Variants in EYS observed in about 807,000 individuals in gnomAD.
EYS encodes the protein EGF-like photoreceptor maintenance factor.
A neutral mutation model predicts 282.1 loss-of-function variants in EYS; 250 were observed. The ratio of observed to expected loss-of-function variants is 0.89; its 90% CI spans 0.80 to 0.98. The LOEUF is 0.98. EYS is among the 50% of genes least tolerant of loss of function. The pLI, the probability that EYS is intolerant of heterozygous loss-of-function variation, is 0.00. For missense variants in EYS, 4,016 were observed against 3,709.0 expected, an observed-to-expected ratio of 1.08 and a Z score of -2.15; for synonymous variants, 1,355 against 1,282.9, an observed-to-expected ratio of 1.06 and a Z score of -1.20.
chr6:65,051,135 A>C (rs1773256807), intron 13 of EYS, among the ~76,000 whole-genome samples: 1 of 151,618 alleles, frequency 6.6e-6, no homozygotes, highest in Non-Finnish European at 1.5e-5. Context: ...CTTGAGAATC[A>C]AGCAATAATT....
intron 1 of EYS, among the ~76,000 whole-genome samples, chr6:65,657,179 G>A (rs1767857402): frequency 6.6e-6 from 1 of 151,632 alleles, no homozygotes; most frequent in African/African-American, 2.4e-5. Flanking sequence ...GTCACTCAAG[G>A]GTTCTAACAG....
intron 12 of EYS, among the ~76,000 whole-genome samples, chr6:65,200,558 G>C (rs1765875703): frequency 1.3e-5 from 2 of 151,580 alleles, no homozygotes; most frequent in South Asian, 4.1e-4. Flanking sequence ...GAAAAGAAGA[G>C]ATGCTAAACT....
chr6:65,292,702 G>C (rs1768560194), intron 12 of EYS, among the ~76,000 whole-genome samples: 1 of 151,722 alleles, frequency 6.6e-6, no homozygotes, highest in Non-Finnish European at 1.5e-5. Context: ...GTGGGAGCTA[G>C]GTTCCAGCTG....
chr6:65,328,671 A>G (rs61283975), intron 11 of EYS, among the ~76,000 whole-genome samples: 7,152 of 151,176 alleles, frequency 0.047, 223 homozygotes, highest in South Asian at 0.079. Flanking sequence ...ATATGATAGA[A>G]AGTAAAAAGC....
At chr6:65,094,557 A>G (rs1774682484) in intron 12 of EYS, among the ~76,000 whole-genome samples, 2 of 151,436 alleles carry the variant, frequency 1.3e-5, no homozygotes, top group Admixed American at 1.3e-4. Flanking sequence ...GAAACTGAGA[A>G]TAACAGAAGA....
intron 22 of EYS, among the ~76,000 whole-genome samples, chr6:64,726,048 T>C (rs1488476941): frequency 1.3e-5 from 2 of 152,158 alleles, no homozygotes; most frequent in Non-Finnish European, 2.9e-5. Context: ...TCTTCCCAAG[T>C]ATGTTGACTT....
At chr6:65,142,515 CACACAG>C (rs903155821) in intron 12 of EYS, among the ~76,000 whole-genome samples, 1 of 150,890 alleles carries the variant, frequency 6.6e-6, no homozygotes, top group African/African-American at 2.4e-5. Context: ...CACACACACA[CACACAG>C]AGTTCCAATA....
intron 22 of EYS, among the ~76,000 whole-genome samples, chr6:64,684,155 C>T (rs1770001882): frequency 1.3e-5 from 2 of 152,026 alleles, no homozygotes; most frequent in East Asian, 1.9e-4. Context: ...GTATTCTATA[C>T]AAGAGAATAA....
intron 22 of EYS, among the ~76,000 whole-genome samples, chr6:64,630,286 ACGGG>A (rs1467045972): frequency 7.2e-5 from 11 of 151,978 alleles, no homozygotes; most frequent in Admixed American, 2.6e-4. Flanking sequence ...TTTAATAGAG[ACGGG>A]ATTTCACCAT....
chr6:65,216,607 A>G (rs1320846770), intron 12 of EYS, among the ~76,000 whole-genome samples: 2 of 151,846 alleles, frequency 1.3e-5, no homozygotes, highest in Non-Finnish European at 2.9e-5. Context: ...AAAATAGTAC[A>G]GAATGTTTAA....
In EYS at chr6:65,383,019, T is replaced by A. The variant is rs892834499; in HGVS notation, c.1299+1367A>T. Among the ~76,000 whole-genome samples the A allele has an allele frequency of 2.0e-5, 3 of 152,044 alleles. No homozygotes were observed. The East Asian group carries it at 5.8e-4, about 29-fold the overall frequency. ...TGATACTCTAGCTTGAAAGTAACTCTTGAAATCAGGTTGGTAAAATCCTTC... is the reference window on the plus strand; with the variant it reads ...TGATACTCTAGCTTGAAAGTAACTCATGAAATCAGGTTGGTAAAATCCTTC... On this transcript the variant is annotated intron_variant, in intron 8 of 42. Coordinates refer to ENST00000503581, the MANE Select transcript of EYS (RefSeq NM_001142800.2).
At chr6:64,429,938 A>G (rs1774525580) in intron 28 of EYS, among the ~76,000 whole-genome samples, 1 of 152,202 alleles carries the variant, frequency 6.6e-6, no homozygotes, top group Admixed American at 6.5e-5. Context: ...CACTGCTGAC[A>G]GGGGTTAATT....
At chr6:64,314,445 A>T (rs1300592468) in intron 29 of EYS, among the ~76,000 whole-genome samples, 2 of 152,160 alleles carry the variant, frequency 1.3e-5, no homozygotes, top group Non-Finnish European at 2.9e-5. Flanking sequence ...GGAGACTTTA[A>T]CACGCCACTG....
intron 22 of EYS, among the ~76,000 whole-genome samples, chr6:64,662,133 A>T (rs1769051558): frequency 6.6e-6 from 1 of 150,644 alleles, no homozygotes; most frequent in African/African-American, 2.4e-5. Context: ...TATCACAAGG[A>T]CAAAAAACCA....
intron 2 of EYS, among the ~76,000 whole-genome samples, chr6:65,530,774 C>A (rs1767738071): frequency 6.6e-6 from 1 of 152,074 alleles, no homozygotes; most frequent in African/African-American, 2.4e-5. Flanking sequence ...TTTGAAAGGA[C>A]ATCATGTATG....
intron 11 of EYS, among the ~76,000 whole-genome samples, chr6:65,310,007 A>G (rs1769112288): frequency 6.6e-6 from 1 of 152,058 alleles, no homozygotes; most frequent in Non-Finnish European, 1.5e-5. Context: ...TCACAATACT[A>G]TCTTGCTCCA....
chr6:65,475,432 C>T (rs567047349), intron 5 of EYS, among the ~76,000 whole-genome samples: 26 of 151,644 alleles, frequency 1.7e-4, no homozygotes, highest in Admixed American at 3.9e-4. Context: ...TAAAATAAAC[C>T]GAAAATTCAA....
intron 11 of EYS, chr6:65,302,373 T>C: frequency 1.5e-6 from 1 of 684,448 alleles, no homozygotes; most frequent in East Asian, 2.7e-5. Flanking sequence ...AGCAATCAGC[T>C]AATGATTACA....
intron 12 of EYS, among the ~76,000 whole-genome samples, chr6:65,295,577 T>G (rs1414084643): frequency 1.3e-5 from 2 of 151,980 alleles, no homozygotes; most frequent in Admixed American, 6.6e-5. Flanking sequence ...TGGCTGCCTG[T>G]TTTTCCCTTC....
Sources: gnomAD v4.1 joint callset for allele counts (sites outside exome capture counted in the v4.1 genomes callset) on GRCh38, gnomAD v4.1.1 for gene constraint, MANE v1.5 for transcripts, NCBI Gene and HGNC (gene_info 2026-07-23, HGNC 2026-07-21) for gene names.